The following KCNMA1 variants were observed in gnomAD, a reference collection of about 807,000 sequenced individuals.
KCNMA1 encodes Calcium-activated potassium channel subunit alpha-1.
In KCNMA1, 29 loss-of-function variants were observed where a neutral mutation model predicts 140.0. The observed-to-expected ratio is 0.21, with a 90% CI of 0.15 to 0.28. KCNMA1 has a LOEUF of 0.28. KCNMA1 is among the 10% of genes least tolerant of loss of function. The pLI is 1.00. For synonymous variants in KCNMA1, 612 were observed against 611.9 expected (o/e 1.00, Z 0.00); for missense variants, 880 against 1,602.2 (o/e 0.55, Z 7.70).
In KCNMA1 at chr10:77,108,105, GGA is replaced by G. The variant is rs2097234612; in HGVS notation, c.1223+374_1223+375del. Among the ~76,000 whole-genome samples, 1 of 152,122 alleles carries G rather than the reference GGA, an allele frequency of 6.6e-6. No homozygotes were observed. The highest frequency in any genetic ancestry group is 1.5e-5 in the Non-Finnish European group (1 of 68,038). ...TTACATCTCTTGGAATTTGTGAATGGGAGTTGGTCCAAGCGTGGCAACGTCCT... is the reference window on the plus strand; with the variant it reads ...TTACATCTCTTGGAATTTGTGAATGGGTTGGTCCAAGCGTGGCAACGTCCT... On this transcript the variant is annotated intron_variant, in intron 9 of 27. Coordinates refer to ENST00000286628, the MANE Select transcript of KCNMA1 (RefSeq NM_001161352.2). This position sits in a 1 kb window ranked among gnomAD's most constrained non-coding sequence, Gnocchi z 4.6.
chr10:77,508,581 C>CTTTTTTTTTTTTTTTTTTT (rs761735012), intron 1 of KCNMA1, among the ~76,000 whole-genome samples: 7 of 99,870 alleles, frequency 7.0e-5, no homozygotes, highest in African/African-American at 2.1e-4. Context: ...TTTTTCTTTT[C>CTTTTTTTTTTTTTTTTTTT]TTTTTTTTTT....
chr10:77,046,286 C>A (rs2095050840), intron 14 of KCNMA1, among the ~76,000 whole-genome samples: 1 of 152,124 alleles, frequency 6.6e-6, no homozygotes, highest in Admixed American at 6.6e-5. Flanking sequence ...TACATTGTCA[C>A]TGTCCTTTAT....
At chr10:77,247,149 G>A (rs1190324867) in intron 3 of KCNMA1, among the ~76,000 whole-genome samples, 5 of 152,246 alleles carry the variant, frequency 3.3e-5, no homozygotes, top group Admixed American at 3.3e-4. Context: ...CATAATCCGC[G>A]TAACCGTAGC....
At chr10:77,289,274 A>C (rs1412403778) in intron 2 of KCNMA1, among the ~76,000 whole-genome samples, 1 of 152,192 alleles carries the variant, frequency 6.6e-6, no homozygotes, top group Non-Finnish European at 1.5e-5. Context: ...CCCCAAAGGC[A>C]CAGGGCTCCC....
At chr10:77,474,843 A>G (rs973305552) in intron 1 of KCNMA1, among the ~76,000 whole-genome samples, 1 of 152,140 alleles carries the variant, frequency 6.6e-6, no homozygotes, top group Non-Finnish European at 1.5e-5. Context: ...GAACTATTCA[A>G]TTATGTTGGC....
At chr10:77,055,215 A>G (rs925877963) in intron 14 of KCNMA1, among the ~76,000 whole-genome samples, 1 of 152,172 alleles carries the variant, frequency 6.6e-6, no homozygotes, top group South Asian at 2.1e-4. Flanking sequence ...CTATTTGAAG[A>G]CATTGAGAAT....
At chr10:77,576,896 C>T (rs2074308996) in intron 1 of KCNMA1, among the ~76,000 whole-genome samples, 1 of 152,154 alleles carries the variant, frequency 6.6e-6, no homozygotes, top group Non-Finnish European at 1.5e-5. Flanking sequence ...TTCCCATGCA[C>T]CATGTGTTAG....
At chr10:77,476,948 C>A (rs1416427941) in intron 1 of KCNMA1, among the ~76,000 whole-genome samples, 1 of 152,206 alleles carries the variant, frequency 6.6e-6, no homozygotes, top group Non-Finnish European at 1.5e-5. Context: ...AGACACGACC[C>A]TACCCTCCCA....
intron 2 of KCNMA1, among the ~76,000 whole-genome samples, chr10:77,297,573 T>C (rs1290586934): frequency 1.3e-5 from 2 of 152,192 alleles, no homozygotes; most frequent in South Asian, 4.1e-4. Context: ...GAGATTAGTA[T>C]GTGAACCTAT....
intron 2 of KCNMA1, among the ~76,000 whole-genome samples, chr10:77,342,042 T>C (rs532742735): frequency 6.6e-6 from 1 of 152,288 alleles, no homozygotes; most frequent in Admixed American, 6.5e-5. Context: ...CCTGCACTGA[T>C]GCTGCTTCAA....
At chr10:77,172,930 A>G (rs750722605) in intron 5 of KCNMA1, among the ~76,000 whole-genome samples, 10 of 152,104 alleles carry the variant, frequency 6.6e-5, no homozygotes, top group Admixed American at 5.2e-4. Context: ...AGGGACAAAC[A>G]GCCTCCCAAG....
chr10:77,188,697 G>A (rs149713637), intron 3 of KCNMA1, among the ~76,000 whole-genome samples: 2 of 152,308 alleles, frequency 1.3e-5, no homozygotes, highest in East Asian at 3.9e-4. Flanking sequence ...AGTGGGAAAT[G>A]TTTCTCTTTC....
chr10:77,270,781 G>A (rs972776172), intron 2 of KCNMA1, among the ~76,000 whole-genome samples: 4 of 151,730 alleles, frequency 2.6e-5, no homozygotes, highest in African/African-American at 4.8e-5. Flanking sequence ...TTGAGGCACC[G>A]TGCCTGGCCC....
chr10:77,543,020 TC>T (rs2060542118), intron 1 of KCNMA1, among the ~76,000 whole-genome samples: 1 of 25,516 alleles, frequency 3.9e-5, no homozygotes, highest in African/African-American at 3.8e-4. Flanking sequence ...TCTCTCTTTC[TC>T]TCTCTCTCAT....
intron 14 of KCNMA1, among the ~76,000 whole-genome samples, chr10:77,054,239 G>A (rs1158999562): frequency 1.3e-5 from 2 of 151,818 alleles, no homozygotes; most frequent in Non-Finnish European, 2.9e-5. Flanking sequence ...AGGAGAAAGA[G>A]AAAAAAAATA....
rs559540189 is a variant in KCNMA1, at chr10:77,248,204, C to T, written c.602+2991G>A. On this transcript the variant is annotated intron_variant, in intron 3 of 27. Coordinates refer to ENST00000286628, the MANE Select transcript of KCNMA1 (RefSeq NM_001161352.2). ...ACTACCTAGCCTGCTTGTCCACTTG[C>T]ACAACTGGAGCTGGCCTGCCTCGAG... is the stretch of plus-strand genomic sequence containing the variant. Among the ~76,000 whole-genome samples the T allele has an allele frequency of 7.2e-5, 11 of 152,318 alleles. No homozygotes were observed. The South Asian group carries it at 2.3e-3, about 32-fold the overall frequency.
intron 1 of KCNMA1, among the ~76,000 whole-genome samples, chr10:77,590,857 C>T (rs1353219688): frequency 1.3e-5 from 2 of 152,228 alleles, no homozygotes; most frequent in Non-Finnish European, 2.9e-5. Context: ...TGCTTCTGTA[C>T]CAGACACTCT....
At chr10:77,563,915 C>T (rs1297189407) in intron 1 of KCNMA1, among the ~76,000 whole-genome samples, 2 of 152,226 alleles carry the variant, frequency 1.3e-5, no homozygotes, top group East Asian at 1.9e-4. Context: ...GCTCTGCAGA[C>T]TGGGGCTTAT....
intron 16 of KCNMA1, among the ~76,000 whole-genome samples, chr10:77,026,582 TTATC>T (rs1224146924): frequency 6.6e-6 from 1 of 152,174 alleles, no homozygotes; most frequent in Non-Finnish European, 1.5e-5. Flanking sequence ...AAGAAAATAT[TTATC>T]TATCTACATA....
Sources: gnomAD v4.1 joint callset for allele counts (sites outside exome capture counted in the v4.1 genomes callset) on GRCh38, gnomAD v4.1.1 for gene constraint, Gnocchi (gnomAD v3.1) non-coding constraint, MANE v1.5 for transcripts, NCBI Gene and HGNC (gene_info 2026-07-23, HGNC 2026-07-21) for gene names.